Variants in TBC1D4 observed in about 807,000 individuals in gnomAD.
The protein encoded by TBC1D4 is TBC1 domain family member 4, also known as TBC (Tre-2, BUB2, CDC16) domain-containing protein.
TBC1D4 carries 121 observed loss-of-function variants against 142.5 expected under a neutral mutation model. The ratio of observed to expected loss-of-function variants is 0.85; its 90% CI spans 0.73 to 0.99. The LOEUF (loss-of-function observed/expected upper bound fraction) is 0.99, where lower values mean the gene tolerates loss of function less well. Among genes scored for constraint, TBC1D4 ranks in the 50% least tolerant of loss-of-function variants. The probability of loss-of-function intolerance (pLI) is 0.00; values close to 1 mark genes in which losing one functional copy is unlikely to be tolerated. For missense variants in TBC1D4, 1,475 were observed against 1,606.6 expected, an observed-to-expected ratio of 0.92 and a Z score of 1.40; for synonymous variants, 630 against 628.2, an observed-to-expected ratio of 1.00 and a Z score of -0.04.
intron 6 of TBC1D4, 65 bp from the exon 7 acceptor site, chr13:75,341,300 G>A: frequency 6.8e-7 from 1 of 1,473,968 alleles, no homozygotes; most frequent in Non-Finnish European, 9.5e-7. Flanking sequence ...ATTCTGTCGG[G>A]CAGACAAACG....
intron 1 of TBC1D4, among the ~76,000 whole-genome samples, chr13:75,429,467 T>C (rs1886508998): frequency 6.6e-6 from 1 of 152,244 alleles, no homozygotes; most frequent in East Asian, 1.9e-4. Context: ...CTGGATCTCC[T>C]GGTCTGATTT....
intron 1 of TBC1D4, among the ~76,000 whole-genome samples, chr13:75,434,897 C>T (rs1293308499): frequency 1.3e-5 from 2 of 150,230 alleles, no homozygotes; most frequent in African/African-American, 4.9e-5. Context: ...ACTGTAATCC[C>T]AGCACTTTGG....
chr13:75,404,514 A>AT (rs34441868), intron 1 of TBC1D4, among the ~76,000 whole-genome samples: 5 of 151,882 alleles, frequency 3.3e-5, no homozygotes, highest in African/African-American at 4.8e-5. Context: ...CTCAAGAGGC[A>AT]TTTTTTTTAA....
intron 10 of TBC1D4, among the ~76,000 whole-genome samples, chr13:75,325,294 T>C (rs1441392411): frequency 6.6e-6 from 1 of 152,204 alleles, no homozygotes; most frequent in Non-Finnish European, 1.5e-5. Flanking sequence ...TATCTCATTT[T>C]TAAATTTCGA....
intron 3 of TBC1D4, 110 bp downstream of exon 3, chr13:75,359,659 T>C: frequency 1.1e-6 from 1 of 887,340 alleles, no homozygotes; most frequent in Non-Finnish European, 1.7e-6. Flanking sequence ...AATAAAAATT[T>C]AAATTTCAAA....
intron 8 of TBC1D4, among the ~76,000 whole-genome samples, chr13:75,329,165 G>A (rs989812330): frequency 4.0e-5 from 6 of 150,784 alleles, no homozygotes; most frequent in Admixed American, 4.0e-4. Context: ...GTTACATCAC[G>A]AATTTTGGTT....
At chr13:75,377,868 A>G (rs1322397017) in intron 1 of TBC1D4, among the ~76,000 whole-genome samples, 1 of 151,860 alleles carries the variant, frequency 6.6e-6, no homozygotes, top group Non-Finnish European at 1.5e-5. Context: ...AATCTTTGCT[A>G]CAATGAATAT....
At chr13:75,358,799 G>T (rs140924267) in intron 3 of TBC1D4, among the ~76,000 whole-genome samples, 1 of 152,278 alleles carries the variant, frequency 6.6e-6, no homozygotes, top group East Asian at 1.9e-4. Flanking sequence ...GAAAGGTCAA[G>T]GCTGTAATGA....
intron 1 of TBC1D4, among the ~76,000 whole-genome samples, chr13:75,396,069 G>A (rs9543920): frequency 0.56 from 85,690 of 151,882 alleles, 27,112 homozygotes; most frequent in East Asian, 0.94. Context: ...CACACAAGGT[G>A]TTCCACAGGC....
intron 11 of TBC1D4, among the ~76,000 whole-genome samples, chr13:75,320,532 A>C (rs1403681143): frequency 6.6e-6 from 1 of 152,192 alleles, no homozygotes; most frequent in Admixed American, 6.5e-5. Flanking sequence ...GTGAGGTAAA[A>C]GAAAAAATAC....
At chr13:75,459,087 C>T (rs142478806) in intron 1 of TBC1D4, among the ~76,000 whole-genome samples, 1,655 of 152,312 alleles carry the variant, frequency 0.011, 13 homozygotes, top group Non-Finnish European at 0.017. Context: ...CTCGTTGGCA[C>T]ACCTGCTTCC....
At chr13:75,293,360 C>A (rs926743842) in intron 18 of TBC1D4, among the ~76,000 whole-genome samples, 19 of 152,214 alleles carry the variant, frequency 1.2e-4, no homozygotes, top group Non-Finnish European at 2.5e-4. Flanking sequence ...TTTATAAATT[C>A]AAAGAAGAGA....
intron 1 of TBC1D4, among the ~76,000 whole-genome samples, chr13:75,422,589 T>G (rs1886215707): frequency 6.6e-6 from 1 of 152,236 alleles, no homozygotes; most frequent in Non-Finnish European, 1.5e-5. Context: ...TTACAATATT[T>G]AAATCTATCT....
At chr13:75,306,244 C>G in intron 15 of TBC1D4, 69 bp downstream of exon 15, 1 of 1,301,094 alleles carries the variant, frequency 7.7e-7, no homozygotes, top group South Asian at 1.4e-5. Context: ...CTCCACAAAT[C>G]AAACAAAAAA....
At chr13:75,366,879 A>G (rs970913627) in intron 1 of TBC1D4, 1 of 887,776 alleles carries the variant, frequency 1.1e-6, no homozygotes, top group South Asian at 5.7e-5. Context: ...CACAGGAGAA[A>G]ATCTGGAGAG....
chr13:75,399,478 T>G lies in TBC1D4; in HGVS notation c.499-36871A>C, dbSNP rs576292612. Among the ~76,000 whole-genome samples the G allele has an allele frequency of 1.6e-3, 247 of 152,100 alleles. 1 individual carries two copies. Among genetic ancestry groups the G allele is most frequent in the African/African-American group, 5.8e-3 (239 of 41,492 alleles). On this transcript the variant is annotated intron_variant, in intron 1 of 20. Transcript: ENST00000377636. ...TATGGGGGGCTGGGGGACAAATAACTTGTCCTTTTATTTAGTTCACACACC... is the reference window on the plus strand; with the variant it reads ...TATGGGGGGCTGGGGGACAAATAACGTGTCCTTTTATTTAGTTCACACACC...
chr13:75,445,134 G>A (rs1887221613), intron 1 of TBC1D4, among the ~76,000 whole-genome samples: 1 of 152,084 alleles, frequency 6.6e-6, no homozygotes. Context: ...ACCGAAACTG[G>A]AATTTTCTAA....
At chr13:75,421,950 T>C (rs1423371307) in intron 1 of TBC1D4, among the ~76,000 whole-genome samples, 1 of 152,168 alleles carries the variant, frequency 6.6e-6, no homozygotes, top group Admixed American at 6.5e-5. Flanking sequence ...CAAATGCACA[T>C]TTCGGGTATT....
chr13:75,464,496 A>C (rs1056933355), intron 1 of TBC1D4, among the ~76,000 whole-genome samples: 5 of 152,188 alleles, frequency 3.3e-5, no homozygotes, highest in Non-Finnish European at 5.9e-5. Context: ...GATCTATAGA[A>C]ACAATGCTTA....
Sources: gnomAD v4.1 joint callset for allele counts (sites outside exome capture counted in the v4.1 genomes callset) on GRCh38, gnomAD v4.1.1 for gene constraint, MANE v1.5 for transcripts, NCBI Gene and HGNC (gene_info 2026-07-23, HGNC 2026-07-21) for gene names.